Variants in LIMCH1 observed in about 807,000 individuals in gnomAD.
The protein encoded by LIMCH1 is LIM and calponin homology domains 1.
In LIMCH1, 113 loss-of-function variants were observed where a neutral mutation model predicts 176.5. The ratio of observed to expected loss-of-function variants is 0.64; its 90% confidence interval spans 0.55 to 0.75. The LOEUF (loss-of-function observed/expected upper bound fraction) is 0.75. Ranked by LOEUF, LIMCH1 falls within the 30% of genes least tolerant of loss-of-function variation. The pLI is 0.00. For synonymous variants in LIMCH1, 619 were observed against 645.9 expected, an observed-to-expected ratio of 0.96 and a Z score of 0.63; for missense variants, 1,674 against 1,814.9, an observed-to-expected ratio of 0.92 and a Z score of 1.41.
chr4:41,397,062 A>G (rs28453999), intron 1 of LIMCH1, among the ~76,000 whole-genome samples: 7,520 of 152,242 alleles, frequency 0.049, 360 homozygotes, highest in East Asian at 0.12. Context: ...CACTCATGGC[A>G]TTCCTGTGCT....
At chr4:41,607,356 G>A (rs962442292) in intron 4 of LIMCH1, among the ~76,000 whole-genome samples, 2 of 152,196 alleles carry the variant, frequency 1.3e-5, no homozygotes, top group Non-Finnish European at 2.9e-5. Context: ...AATGGCCAAA[G>A]CTTTCATATT....
At chr4:41,524,883 T>C (rs1274185761) in intron 3 of LIMCH1, among the ~76,000 whole-genome samples, 2 of 152,344 alleles carry the variant, frequency 1.3e-5, no homozygotes, top group East Asian at 1.9e-4. Flanking sequence ...CGTTTTATAA[T>C]AAATTGCTGC....
chr4:41,513,987 TAGAG>T (rs111308437), intron 2 of LIMCH1, among the ~76,000 whole-genome samples: 4,473 of 105,966 alleles, frequency 0.042, 333 homozygotes, highest in African/African-American at 0.15. Context: ...GCCTGGGTGA[TAGAG>T]AGAGACTCCG....
chr4:41,392,518 G>A (rs1397489123), intron 1 of LIMCH1, among the ~76,000 whole-genome samples: 3 of 152,174 alleles, frequency 2.0e-5, no homozygotes, highest in Non-Finnish European at 4.4e-5. Flanking sequence ...AGCAAGGGAT[G>A]CTGTTTGCTT....
chr4:41,383,516 AAAG>A (rs1459916206), intron 1 of LIMCH1, among the ~76,000 whole-genome samples: 1 of 152,160 alleles, frequency 6.6e-6, no homozygotes, highest in East Asian at 1.9e-4. Flanking sequence ...CATCTGAGGA[AAAG>A]AAGAAAATTC....
At chr4:41,556,862 C>T (rs1169798892) in intron 1 of LIMCH1, among the ~76,000 whole-genome samples, 1 of 152,136 alleles carries the variant, frequency 6.6e-6, no homozygotes, top group African/African-American at 2.4e-5. Context: ...AATCATATAA[C>T]TGCTGTTCTT....
chr4:41,442,485 T>G (rs1250663956), intron 1 of LIMCH1, among the ~76,000 whole-genome samples: 1 of 152,208 alleles, frequency 6.6e-6, no homozygotes, highest in South Asian at 2.1e-4. Context: ...AAATATGTAT[T>G]CATGGAGCAA....
intron 1 of LIMCH1, among the ~76,000 whole-genome samples, chr4:41,458,678 G>A (rs1284776063): frequency 1.3e-5 from 2 of 151,432 alleles, no homozygotes; most frequent in South Asian, 2.1e-4. Flanking sequence ...GGAGGCTGAG[G>A]CAGGAGAATG....
intron 21 of LIMCH1, 88 bp from the exon 22 acceptor site, chr4:41,671,466 A>T: frequency 2.0e-6 from 2 of 1,013,202 alleles, no homozygotes; most frequent in Non-Finnish European, 3.0e-6. Context: ...TGATGTAGGA[A>T]CTATACTCCA....
At chr4:41,452,438 CTT>C (rs2064002102) in intron 1 of LIMCH1, among the ~76,000 whole-genome samples, 1 of 152,212 alleles carries the variant, frequency 6.6e-6, no homozygotes, top group Non-Finnish European at 1.5e-5. Context: ...TGGTCAGTCG[CTT>C]TTCAAAGTGA....
chr4:41,682,386 G>C lies in LIMCH1; in HGVS notation c.3771G>C (p.Lys1257Asn). 6.2e-7 allele frequency: 1 copy of C among 1,612,730 alleles called. No individual in the cohort carries two copies. The highest frequency in any genetic ancestry group is 8.5e-7 in the Non-Finnish European group (1 of 1,178,894). The change falls in exon 26 of 32, where the codon AAG (lysine) becomes AAC (asparagine). Residue 1257 changes from lysine (K) to asparagine (N), a missense_variant. Physicochemically the swap from Lys to Asn is moderately conservative, Grantham distance 94. Transcript: ENST00000503057. ...CQDEKQDRRW[K>N]KSFQGDDSDL... Reference sequence around the variant, plus strand: ...ATGAAAAACAAGACAGAAGATGGAAGAAATCATTCCAGGGAGATGACAGTG... The same window carrying C: ...ATGAAAAACAAGACAGAAGATGGAACAAATCATTCCAGGGAGATGACAGTG...
At chr4:41,492,961 C>T (rs1160046681) in intron 1 of LIMCH1, among the ~76,000 whole-genome samples, 2 of 152,064 alleles carry the variant, frequency 1.3e-5, no homozygotes, top group Non-Finnish European at 2.9e-5. Flanking sequence ...CTAAACAATA[C>T]AGTGTAACAA....
chr4:41,535,717 T>C (rs573895137), upstream of LIMCH1, among the ~76,000 whole-genome samples: 2 of 152,310 alleles, frequency 1.3e-5, no homozygotes, highest in South Asian at 2.1e-4. Context: ...TAAATTCTTA[T>C]TCACGTGTGT....
rs764547647 is a variant in LIMCH1 at position 41,676,468 on chromosome 4, A to C, written c.3519+6A>C. 8 of 1,610,824 alleles carry C rather than the reference A, an allele frequency of 5.0e-6. No homozygotes were observed. Among genetic ancestry groups the C allele is most frequent in the Non-Finnish European group, 6.8e-6 (8 of 1,177,168 alleles). On this transcript the variant is annotated splice_donor_region_variant and intron_variant, in intron 23 of 31. Transcript: ENST00000503057. ...AACAGGAACGTTTGCTCCAGGTAGGATGGAGTTTGCTGCTTTTTTTGTTTT... is the reference window on the plus strand; with the variant it reads ...AACAGGAACGTTTGCTCCAGGTAGGCTGGAGTTTGCTGCTTTTTTTGTTTT...
At chr4:41,624,328 C>T (rs1306784747) in intron 7 of LIMCH1, among the ~76,000 whole-genome samples, 2 of 151,940 alleles carry the variant, frequency 1.3e-5, no homozygotes, top group Non-Finnish European at 2.9e-5. Flanking sequence ...AAAAAACCTC[C>T]GAGGAACAAT....
intron 5 of LIMCH1, among the ~76,000 whole-genome samples, 164 bp from the exon 6 acceptor site, chr4:41,619,024 A>G (rs747284701): frequency 1.3e-5 from 2 of 151,568 alleles, no homozygotes; most frequent in Non-Finnish European, 2.9e-5. Flanking sequence ...AGAGTGGAGT[A>G]ATCTACATGT....
intron 3 of LIMCH1, among the ~76,000 whole-genome samples, chr4:41,526,516 C>T (rs960140066): frequency 3.9e-5 from 6 of 152,076 alleles, no homozygotes; most frequent in South Asian, 2.1e-4. Flanking sequence ...GGAAACAGAT[C>T]GCCATCCCGC....
intron 1 of LIMCH1, among the ~76,000 whole-genome samples, chr4:41,411,726 C>T (rs978954866): frequency 2.6e-5 from 4 of 151,184 alleles, no homozygotes; most frequent in South Asian, 2.1e-4. Flanking sequence ...TTTAGGAGGC[C>T]GGGGCGGGCA....
chr4:41,629,480 T>C lies in LIMCH1; in HGVS notation c.1029-12T>C, dbSNP rs1384812295. On this transcript the variant is annotated splice_polypyrimidine_tract_variant and intron_variant, in intron 8 of 31. Transcript: ENST00000503057. ...TTTTCCATTGGTGTGGGGGCCCGGA[T>C]CAAATGGACAGAAACCAGGGCCACA... The C allele has an allele frequency of 2.6e-6, 4 of 1,535,450 alleles. No individual in the cohort carries two copies. In the Admixed American group the frequency reaches 5.9e-5, roughly 23 times the overall value.
Sources: allele counts gnomAD v4.1 joint callset (sites outside exome capture counted in the v4.1 genomes callset), GRCh38; gene constraint gnomAD v4.1.1; transcripts MANE v1.5; gene names NCBI Gene and HGNC (gene_info 2026-07-23, HGNC 2026-07-21).